ATP8A1: variants seen among roughly 807,000 people sequenced by gnomAD.
ATP8A1 encodes the protein ATPase phospholipid transporting 8A1.
Under a neutral mutation model 177.7 loss-of-function variants are expected in ATP8A1, and 90 were observed. The ratio of observed to expected loss-of-function variants is 0.51; its 90% confidence interval spans 0.43 to 0.60. The LOEUF (loss-of-function observed/expected upper bound fraction) is 0.60, where lower values mean the gene tolerates loss of function less well. Ranked by LOEUF, ATP8A1 falls within the 20% of genes least tolerant of loss-of-function variation. ATP8A1 has a pLI of 0.00. For synonymous variants in ATP8A1, 493 were observed against 485.9 expected (o/e 1.01, Z -0.19); for missense variants, 1,072 against 1,392.8 (o/e 0.77, Z 3.67).
intron 18 of ATP8A1, 60 bp from the exon 19 acceptor site, chr4:42,549,122 A>G: frequency 7.3e-7 from 1 of 1,360,716 alleles, no homozygotes; most frequent in Non-Finnish European, 1.0e-6. Flanking sequence ...CTTCTAGGAA[A>G]TAAATCCTAG....
intron 1 of ATP8A1, among the ~76,000 whole-genome samples, chr4:42,632,258 AG>A (rs1416543955): frequency 4.6e-5 from 7 of 152,210 alleles, no homozygotes; most frequent in Admixed American, 3.3e-4. Context: ...ACCAGTTCCC[AG>A]AAAAATGAAT....
chr4:42,410,694 A>AC lies in ATP8A1; in HGVS notation c.*2221dup, dbSNP rs1421688316. ...TTAGTCACATTTCAGATCATGTTAC[A>AC]CATTATCAACCGTAAGTATTCTTCT... On this transcript the variant is annotated 3_prime_UTR_variant, in exon 37 of 37. Coordinates refer to ENST00000381668, the MANE Select transcript of ATP8A1 (RefSeq NM_006095.2). The AC allele has an allele frequency of 2.0e-5, 3 of 152,240 alleles. No individual in the cohort carries two copies. The highest frequency in any genetic ancestry group is 4.8e-5 in the African/African-American group (2 of 41,466). The allele number at this position is 152,240 out of a possible 1,614,324, so 9.4% of individuals were successfully genotyped here. A position where few individuals can be genotyped will look rare whatever the true frequency, so the allele number is the denominator to read the frequency against.
At chr4:42,627,732 A>C (rs1438176469) in intron 1 of ATP8A1, among the ~76,000 whole-genome samples, 1 of 152,228 alleles carries the variant, frequency 6.6e-6, no homozygotes, top group Non-Finnish European at 1.5e-5. Flanking sequence ...CAATGTTGAC[A>C]AACACTTTAA....
At chr4:42,455,970 G>A (rs1011867171) in intron 27 of ATP8A1, among the ~76,000 whole-genome samples, 1 of 152,128 alleles carries the variant, frequency 6.6e-6, no homozygotes, top group Admixed American at 6.5e-5. Context: ...GTTATTTAAA[G>A]ATTGTTTTTT....
Position 42,494,686 on chromosome 4 carries a change from T to A in ATP8A1, c.2151+8764A>T, listed in dbSNP as rs1723090901. ...AATATTTATATAACTAACCACTGAT[T>A]TTCTCTCTTAATTTCTGTCTCCAAC... On this transcript the variant is annotated intron_variant, in intron 24 of 36. Transcript: ENST00000381668. Among the ~76,000 whole-genome samples the A allele has an allele frequency of 3.9e-5, 6 of 152,312 alleles. No homozygotes were observed. In the South Asian group the frequency reaches 1.2e-3, roughly 32 times the overall value.
intron 1 of ATP8A1, among the ~76,000 whole-genome samples, chr4:42,630,137 T>A (rs538917038): frequency 6.6e-6 from 1 of 152,316 alleles, no homozygotes; most frequent in East Asian, 1.9e-4. Flanking sequence ...AATAACCACA[T>A]AAAGAGCTAC....
chr4:42,619,433 T>C (rs940973579), intron 4 of ATP8A1, among the ~76,000 whole-genome samples: 7 of 152,166 alleles, frequency 4.6e-5, no homozygotes, highest in Non-Finnish European at 8.8e-5. Context: ...AAGAGAGTTC[T>C]CCATCAATTT....
chr4:42,582,348 T>C (rs1733180243), intron 9 of ATP8A1, among the ~76,000 whole-genome samples: 1 of 152,182 alleles, frequency 6.6e-6, no homozygotes. Context: ...AGGTAATGTT[T>C]TGGAATTCAG....
At chr4:42,609,387 A>C (rs1736146784) in intron 5 of ATP8A1, among the ~76,000 whole-genome samples, 1 of 152,192 alleles carries the variant, frequency 6.6e-6, no homozygotes. Context: ...AAAGACCAGC[A>C]ATACCCTATT....
At chr4:42,607,144 T>C (rs1194062233) in intron 5 of ATP8A1, among the ~76,000 whole-genome samples, 2 of 152,236 alleles carry the variant, frequency 1.3e-5, no homozygotes, top group Admixed American at 6.5e-5. Flanking sequence ...CTGCTGCATC[T>C]GCAGTGCTGG....
chr4:42,435,917 T>C (rs941248725), intron 33 of ATP8A1, among the ~76,000 whole-genome samples: 1 of 152,218 alleles, frequency 6.6e-6, no homozygotes, highest in Admixed American at 6.5e-5. Context: ...TTATCTTTAC[T>C]TATTCTTCAT....
At chr4:42,543,604 A>C (rs1728615922) in intron 20 of ATP8A1, among the ~76,000 whole-genome samples, 1 of 152,242 alleles carries the variant, frequency 6.6e-6, no homozygotes, top group Admixed American at 6.5e-5. Context: ...ATCACATTCT[A>C]ATACAATTTT....
At chr4:42,435,763 A>T (rs113590412) in intron 33 of ATP8A1, among the ~76,000 whole-genome samples, 62 of 152,342 alleles carry the variant, frequency 4.1e-4, no homozygotes, top group African/African-American at 1.3e-3. Flanking sequence ...GCTCTTCTTC[A>T]TATGACAGGT....
chr4:42,487,193 G>A (rs1347481784), intron 24 of ATP8A1, among the ~76,000 whole-genome samples: 1 of 152,046 alleles, frequency 6.6e-6, no homozygotes, highest in East Asian at 1.9e-4. Context: ...ATAAAAGAAC[G>A]CCTTCTATCA....
intron 20 of ATP8A1, among the ~76,000 whole-genome samples, chr4:42,534,980 G>A (rs555992855): frequency 1.2e-4 from 18 of 152,124 alleles, no homozygotes; most frequent in African/African-American, 4.3e-4. Flanking sequence ...CCACTACCAA[G>A]CCAGCAGTAT....
chr4:42,563,451 G>A (rs1731045421), intron 15 of ATP8A1, among the ~76,000 whole-genome samples: 1 of 152,186 alleles, frequency 6.6e-6, no homozygotes, highest in Admixed American at 6.5e-5. Flanking sequence ...GCCTGACAAT[G>A]TGATAGAAAA....
intron 35 of ATP8A1, among the ~76,000 whole-genome samples, chr4:42,418,934 A>G (rs1713550430): frequency 6.6e-6 from 1 of 152,170 alleles, no homozygotes; most frequent in Admixed American, 6.5e-5. Flanking sequence ...TTTTTCTGAC[A>G]TTTGCATTTT....
Position 42,530,329 on chromosome 4 carries a change from C to CTGGT in ATP8A1, c.1723-5486_1723-5483dup, listed in dbSNP as rs753632226. Reference sequence around the variant, plus strand: ...TTCCTTGGGGTGATCAGCCAGCCACCTGGTGGCAGATTTTTGCATCATGAA... The same window carrying CTGGT: ...TTCCTTGGGGTGATCAGCCAGCCACCTGGTTGGTGGCAGATTTTTGCATCATGAA... On this transcript the variant is annotated intron_variant, in intron 20 of 36. Coordinates refer to ENST00000381668, the MANE Select transcript of ATP8A1 (RefSeq NM_006095.2). Among the ~76,000 whole-genome samples, 63 of 152,348 alleles carry CTGGT rather than the reference C, an allele frequency of 4.1e-4. 1 individual carries two copies. Among genetic ancestry groups the CTGGT allele is most frequent in the Middle Eastern group, 3.4e-3 (1 of 294 alleles).
At chr4:42,615,970 AGT>A (rs1285592191) in intron 5 of ATP8A1, 61 bp downstream of exon 5, 2 of 1,397,706 alleles carry the variant, frequency 1.4e-6, no homozygotes, top group Non-Finnish European at 2.0e-6. Flanking sequence ...ATGTAATTGA[AGT>A]GTTTGTATAT....
Sources: allele counts gnomAD v4.1 joint callset (sites outside exome capture counted in the v4.1 genomes callset), GRCh38; gene constraint gnomAD v4.1.1; transcripts MANE v1.5; gene names NCBI Gene and HGNC (gene_info 2026-07-23, HGNC 2026-07-21).